Variants in FBN1 observed in about 807,000 individuals in gnomAD.
The protein encoded by FBN1 is fibrillin-1.
A neutral mutation model predicts 365.1 loss-of-function variants in FBN1; 29 were observed. The ratio of observed to expected loss-of-function variants is 0.08; its 90% CI spans 0.06 to 0.11. FBN1 has a LOEUF of 0.11. FBN1 is among the 10% of genes least tolerant of loss of function. The pLI is 1.00. For missense variants in FBN1, 2,476 were observed against 3,703.2 expected, an observed-to-expected ratio of 0.67 and a Z score of 8.60; for synonymous variants, 1,210 against 1,270.5, an observed-to-expected ratio of 0.95 and a Z score of 1.01.
intron 45 of FBN1, among the ~76,000 whole-genome samples, chr15:48,449,519 C>T (rs1006760141): frequency 3.3e-5 from 5 of 152,166 alleles, no homozygotes; most frequent in Non-Finnish European, 7.4e-5. Context: ...GAAGCCCTCT[C>T]ATCTTGCTTC....
intron 7 of FBN1, among the ~76,000 whole-genome samples, chr15:48,536,309 G>A (rs961375175): frequency 1.3e-5 from 2 of 152,108 alleles, no homozygotes; most frequent in African/African-American, 4.8e-5. Flanking sequence ...TTTATGAAAC[G>A]AATAGCAAAG....
chr15:48,599,058 T>G (rs961389357), intron 5 of FBN1, among the ~76,000 whole-genome samples: 1 of 152,210 alleles, frequency 6.6e-6, no homozygotes, highest in Non-Finnish European at 1.5e-5. Flanking sequence ...CCCAGCCATG[T>G]GGAACTGTAA....
At chr15:48,466,122 T>C (rs1417741718) in intron 38 of FBN1, among the ~76,000 whole-genome samples, 3 of 152,196 alleles carry the variant, frequency 2.0e-5, no homozygotes, top group Admixed American at 2.0e-4. Flanking sequence ...GTGTGGACTG[T>C]TTTATACCTT....
At position 48,518,283 on chromosome 15, in the gene FBN1, C is replaced by A. The variant is rs187844391; in HGVS notation, c.1148-1921G>T. Among the ~76,000 whole-genome samples, 200 of 152,312 alleles carry A rather than the reference C, an allele frequency of 1.3e-3. 1 individual carries two copies. Among genetic ancestry groups the A allele is most frequent in the African/African-American group, 4.5e-3 (189 of 41,574 alleles). ...GAACCTGCTCTCACCAAATTCCCAC[C>A]ACTAAGACTGTGTAGTCTGTGAAGT... is the stretch of plus-strand genomic sequence containing the variant. On this transcript the variant is annotated intron_variant, in intron 10 of 65. Coordinates refer to ENST00000316623, the MANE Select transcript of FBN1 (RefSeq NM_000138.5).
Position 48,488,452 on chromosome 15 carries a change from C to T in FBN1, c.3124G>A (p.Gly1042Ser), listed in dbSNP as rs1555398681. The change falls in exon 26 of 66, where the codon GGC (glycine) becomes AGC (serine). Residue 1042 changes from glycine (G) to serine (S), a missense_variant. By Grantham distance (56) the Gly-to-Ser change is moderately conservative. Around this residue, in one of 5 missense-constraint regions of FBN1, gnomAD observed 1,780 missense variants for 2,840.8 expected, o/e 0.63. Coordinates refer to ENST00000316623, the MANE Select transcript of FBN1 (RefSeq NM_000138.5). ...CKMIPSLCTH[G>S]KCRNTIGSFK... ...CTGCCAATGGTGTTTCTGCACTTGC[C>T]GTGGGTGCAGAGGCTGGGTATCATC... 6.2e-7 allele frequency: 1 copy of T among 1,614,074 alleles called. No homozygotes were observed. Among genetic ancestry groups the T allele is most frequent in the Non-Finnish European group, 8.5e-7 (1 of 1,179,992 alleles).
At chr15:48,523,036 T>C (rs945329025) in intron 9 of FBN1, among the ~76,000 whole-genome samples, 2 of 152,190 alleles carry the variant, frequency 1.3e-5, no homozygotes, top group African/African-American at 4.8e-5. Context: ...GCAGAGAAAT[T>C]GAACTTCCTA....
At chr15:48,603,979 G>A (rs2044587089) in intron 4 of FBN1, among the ~76,000 whole-genome samples, 1 of 152,220 alleles carries the variant, frequency 6.6e-6, no homozygotes, top group South Asian at 2.1e-4. Context: ...CATATCAGAT[G>A]TCAGTCAGTC....
intron 6 of FBN1, among the ~76,000 whole-genome samples, chr15:48,549,761 AT>A (rs1343764744): frequency 1.3e-5 from 2 of 148,936 alleles, no homozygotes; most frequent in East Asian, 2.1e-4. Flanking sequence ...ACTTACTCTG[AT>A]TTACTAGAGT....
chr15:48,457,641 C>CT (rs2043251353), intron 43 of FBN1, among the ~76,000 whole-genome samples: 1 of 152,062 alleles, frequency 6.6e-6, no homozygotes, highest in African/African-American at 2.4e-5. Context: ...GAAGTGCCCT[C>CT]TAGGATAAGA....
At chr15:48,538,866 C>G (rs1286513467) in intron 6 of FBN1, among the ~76,000 whole-genome samples, 1 of 152,172 alleles carries the variant, frequency 6.6e-6, no homozygotes, top group South Asian at 2.1e-4. Flanking sequence ...TCAATGACCC[C>G]AGTAAGTTCC....
At chr15:48,424,334 A>G (rs1358291610) in intron 60 of FBN1, among the ~76,000 whole-genome samples, 2 of 152,168 alleles carry the variant, frequency 1.3e-5, no homozygotes, top group East Asian at 3.9e-4. Flanking sequence ...CCCTTTCAGC[A>G]GACACAGGAA....
chr15:48,504,923 T>C (rs961669187), intron 16 of FBN1, 102 bp downstream of exon 16: 3 of 1,481,532 alleles, frequency 2.0e-6, no homozygotes, highest in East Asian at 4.5e-5. Context: ...AAATATTCTT[T>C]ATATCTTATC....
chr15:48,433,727 C>T (rs991815449), intron 54 of FBN1, among the ~76,000 whole-genome samples: 9 of 152,196 alleles, frequency 5.9e-5, no homozygotes, highest in Non-Finnish European at 1.0e-4. Flanking sequence ...ACTAAGAACA[C>T]GAGTGAGAGC....
In FBN1 at chr15:48,444,692, T is replaced by C. The variant is rs752421112; in HGVS notation, c.5918-32A>G. On this transcript the variant is annotated intron_variant, in intron 48 of 65. Coordinates refer to ENST00000316623, the MANE Select transcript of FBN1 (RefSeq NM_000138.5). Reference sequence around the variant, plus strand: ...AGAAAAGGGAAAAATAAGGAAGAGGTTCCCACTGGCATGACTTCCATCAAA... The same window carrying C: ...AGAAAAGGGAAAAATAAGGAAGAGGCTCCCACTGGCATGACTTCCATCAAA... 6 of 1,611,590 alleles carry C rather than the reference T, an allele frequency of 3.7e-6. No homozygotes were observed. In the South Asian group the frequency reaches 6.6e-5, roughly 18 times the overall value.
Position 48,488,447 on chromosome 15 carries a change from C to T in FBN1, c.3129G>A (p.Lys1043=), listed in dbSNP as rs749552425. The T allele has an allele frequency of 6.2e-7, 1 of 1,614,208 alleles. No individual in the cohort carries two copies. The highest frequency in any genetic ancestry group is 2.2e-5 in the East Asian group (1 of 44,888). Residue 1043 remains lysine, a synonymous_variant, in exon 26 of 66, where the codon AAG becomes AAA. Transcript: ENST00000316623. The stretch of plus-strand genomic sequence containing the variant: ...TAAAGCTGCCAATGGTGTTTCTGCA[C>T]TTGCCGTGGGTGCAGAGGCTGGGTA... ...KMIPSLCTHG[K]CRNTIGSFKC...
At chr15:48,420,048 C>T (rs1312522363) in intron 63 of FBN1, among the ~76,000 whole-genome samples, 2 of 152,184 alleles carry the variant, frequency 1.3e-5, no homozygotes, top group Non-Finnish European at 2.9e-5. Context: ...TCTGGTATCC[C>T]TCCAAACTCA....
At position 48,531,588 on chromosome 15, in the gene FBN1, A is replaced by AT. The variant is rs771306116; in HGVS notation, c.862+2491dup. On this transcript the variant is annotated intron_variant, in intron 8 of 65. Transcript: ENST00000316623. ...TATACTCATCATCTTTCTAGGGAAC[A>AT]TATTCAGTGATTACGGGCCAGACTT... 7.2e-5 allele frequency among the ~76,000 whole-genome samples: 11 copies of AT among 152,312 alleles called. No individual in the cohort carries two copies. In the East Asian group the frequency reaches 1.4e-3, roughly 19 times the overall value.
At chr15:48,575,482 A>G (rs529834510) in intron 6 of FBN1, among the ~76,000 whole-genome samples, 1 of 152,190 alleles carries the variant, frequency 6.6e-6, no homozygotes, top group African/African-American at 2.4e-5. Context: ...TAATTTTTCA[A>G]CTTTCACCCT....
rs2042856892 is a variant in FBN1, at chr15:48,411,059, A to G, written c.8547T>C (p.Tyr2849=). The change falls in exon 66 of 66, where the codon TAT becomes TAC. Residue 2849 remains tyrosine, a synonymous_variant. Transcript: ENST00000316623. The part of the protein sequence containing the change: ...KKELNQLEDK[Y]DKDYLSGELG... ...GTTCACCACTGAGGTAGTCTTTGTC[A>G]TATTTGTCTTCTAGTTGGTTAAGTT... 4 of 1,613,872 alleles carry G rather than the reference A, an allele frequency of 2.5e-6. No homozygotes were observed. Among genetic ancestry groups the G allele is most frequent in the Non-Finnish European group, 3.4e-6 (4 of 1,179,956 alleles).
Sources: gnomAD v4.1 joint callset for allele counts (sites outside exome capture counted in the v4.1 genomes callset) on GRCh38, gnomAD v4.1.1 for gene constraint, gnomAD v4.1.1 regional missense constraint, MANE v1.5 for transcripts, NCBI Gene and HGNC (gene_info 2026-07-23, HGNC 2026-07-21) for gene names.